SVEP1: variants seen among roughly 807,000 people sequenced by gnomAD.
SVEP1 encodes sushi, von Willebrand factor type A, EGF and pentraxin domain-containing protein 1.
A neutral mutation model predicts 367.3 loss-of-function variants in SVEP1; 164 were observed. The ratio of observed to expected loss-of-function variants is 0.45; its 90% CI spans 0.39 to 0.51. The LOEUF (loss-of-function observed/expected upper bound fraction) is 0.51, where lower values mean the gene tolerates loss of function less well. SVEP1 is among the 20% of genes least tolerant of loss of function. The pLI is 0.00. For synonymous variants in SVEP1, 1,666 were observed against 1,611.6 expected (o/e 1.03, Z -0.81); for missense variants, 4,117 against 4,425.3 (o/e 0.93, Z 1.98).
chr9:110,556,828 G>A (rs557272463), intron 1 of SVEP1, among the ~76,000 whole-genome samples: 20 of 152,208 alleles, frequency 1.3e-4, no homozygotes, highest in Admixed American at 1.2e-3. Flanking sequence ...ATCTTGATGA[G>A]CCAATAGAAG....
chr9:110,434,193 C>G (rs1294622494), intron 30 of SVEP1, 143 bp downstream of exon 30: 1 of 994,504 alleles, frequency 1.0e-6, no homozygotes, highest in African/African-American at 1.6e-5. Context: ...CAGCACAGTT[C>G]ATTAAACAAA....
chr9:110,469,913 GAAC>G (rs764227219), intron 16 of SVEP1, among the ~76,000 whole-genome samples: 7 of 152,126 alleles, frequency 4.6e-5, no homozygotes, highest in Non-Finnish European at 1.0e-4. Context: ...TGCAGGCTTA[GAAC>G]AACAATTTTA....
chr9:110,414,701 T>C (rs1489579654), intron 36 of SVEP1, among the ~76,000 whole-genome samples: 1 of 151,984 alleles, frequency 6.6e-6, no homozygotes, highest in African/African-American at 2.4e-5. Flanking sequence ...CTAATGAGCA[T>C]GTGCCTGGAG....
chr9:110,504,112 T>C (rs1264715767), intron 5 of SVEP1, among the ~76,000 whole-genome samples: 3 of 152,134 alleles, frequency 2.0e-5, no homozygotes, highest in African/African-American at 7.2e-5. Flanking sequence ...TGAAGTGCAG[T>C]GGCGTGATCT....
At chr9:110,393,400 G>C (rs56285296) in intron 40 of SVEP1, among the ~76,000 whole-genome samples, 8,988 of 152,222 alleles carry the variant, frequency 0.059, 357 homozygotes, top group African/African-American at 0.11. Flanking sequence ...GTGGCGATGA[G>C]ATGGCCAAAT....
chr9:110,432,471 A>G lies in SVEP1; in HGVS notation c.5224T>C (p.Ser1742Pro). ...CCAACATTTATCTCACCAAGGCAGG[A>G]TGGTGAAACGCCGTTCCAGCTCCCA... Reference protein sequence around the residue: ...DNGSWNGVSPSCLDVDECAVG... With the variant: ...DNGSWNGVSPPCLDVDECAVG... Residue 1742 changes from serine to proline, a missense_variant, in exon 31 of 48, where the codon TCC (serine) becomes CCC (proline). This residue lies in a region of SVEP1 where 2,174 missense variants were observed against 2,494.3 expected (regional missense o/e 0.87). Coordinates refer to ENST00000374469, the MANE Select transcript of SVEP1 (RefSeq NM_153366.4). The G allele has an allele frequency of 1.2e-6, 2 of 1,612,548 alleles. No individual in the cohort carries two copies. Among genetic ancestry groups the G allele is most frequent in the Non-Finnish European group, 1.7e-6 (2 of 1,179,382 alleles).
At chr9:110,383,315 GC>G (rs760920994) in intron 43 of SVEP1, among the ~76,000 whole-genome samples, 1 of 152,076 alleles carries the variant, frequency 6.6e-6, no homozygotes, top group Non-Finnish European at 1.5e-5. Flanking sequence ...TAACAGTCAG[GC>G]CCCTCTTTTG....
At position 110,408,334 on chromosome 9, in the gene SVEP1, G is replaced by C. The variant is rs1299104793; in HGVS notation, c.7266C>G (p.Cys2422Trp). 1 of 1,613,898 alleles carries C rather than the reference G, an allele frequency of 6.2e-7. No individual in the cohort carries two copies. Among genetic ancestry groups the C allele is most frequent in the Admixed American group, 1.7e-5 (1 of 60,022 alleles). ...FFLRGNSTTL[C>W]QPDGTWSSPL... Reference sequence around the variant, plus strand: ...GAGAGCTCCAGGTGCCATCAGGTTGGCAGAGGGTGGTAGAATTTCCTCTTA... The same window carrying C: ...GAGAGCTCCAGGTGCCATCAGGTTGCCAGAGGGTGGTAGAATTTCCTCTTA... Residue 2422 changes from cysteine to tryptophan, a missense_variant, in exon 38 of 48, where the codon TGC becomes TGG. This residue lies in a region of SVEP1 where 1,765 missense variants were observed against 1,781.1 expected (regional missense o/e 0.99). Coordinates refer to ENST00000374469, the MANE Select transcript of SVEP1 (RefSeq NM_153366.4).
At chr9:110,467,604 A>G (rs1252014555) in intron 17 of SVEP1, among the ~76,000 whole-genome samples, 1 of 151,554 alleles carries the variant, frequency 6.6e-6, no homozygotes, top group Non-Finnish European at 1.5e-5. Context: ...CTCGTTGGAT[A>G]AAAGTATGTG....
At chr9:110,377,635 G>A (rs905250195) in intron 44 of SVEP1, among the ~76,000 whole-genome samples, 3 of 152,178 alleles carry the variant, frequency 2.0e-5, no homozygotes, top group Non-Finnish European at 4.4e-5. Flanking sequence ...TTTGATTTAT[G>A]TATAGATTGT....
chr9:110,389,694 A>C, intron 40 of SVEP1, 107 bp from the exon 41 acceptor site: 2 of 1,167,114 alleles, frequency 1.7e-6, no homozygotes, highest in Non-Finnish European at 1.2e-6. Context: ...TCAGCACTGG[A>C]ATGCTAAATA....
rs148655518 is a variant in SVEP1, at chr9:110,508,571, C to T, written c.1303+4355G>A. Among the ~76,000 whole-genome samples, 167 of 151,750 alleles carry T rather than the reference C, an allele frequency of 1.1e-3. 1 individual carries two copies. The East Asian group carries it at 0.027, about 24-fold the overall frequency. Reference sequence around the variant, plus strand: ...GGTCAGGAGATTGAGACCATCCTGGCGAACATGGTGAAACCCCGTCTCTAC... The same window carrying T: ...GGTCAGGAGATTGAGACCATCCTGGTGAACATGGTGAAACCCCGTCTCTAC... On this transcript the variant is annotated intron_variant, in intron 5 of 47. Transcript: ENST00000374469.
At chr9:110,393,533 T>C (rs10759428) in intron 40 of SVEP1, among the ~76,000 whole-genome samples, 99,828 of 152,064 alleles carry the variant, frequency 0.66, 32,837 homozygotes, top group Middle Eastern at 0.78. Context: ...TGCAGTGCAC[T>C]GTGCACAAGC....
At chr9:110,429,825 G>A in intron 34 of SVEP1, 95 bp downstream of exon 34, 2 of 976,122 alleles carry the variant, frequency 2.0e-6, no homozygotes, top group Non-Finnish European at 3.2e-6. Flanking sequence ...AATGTCCTCT[G>A]CAATTATTTT....
intron 8 of SVEP1, 36 bp downstream of exon 8, chr9:110,496,779 A>T: frequency 6.9e-7 from 1 of 1,448,612 alleles, no homozygotes; most frequent in East Asian, 2.5e-5. Context: ...TTTAGAATTC[A>T]TTTGAAAAGG....
At chr9:110,403,494 G>T (rs1049887626) in intron 39 of SVEP1, among the ~76,000 whole-genome samples, 1 of 151,416 alleles carries the variant, frequency 6.6e-6, no homozygotes, top group Non-Finnish European at 1.5e-5. Flanking sequence ...TAGTAGAGAC[G>T]GGGTTTCACT....
At chr9:110,490,989 A>G (rs1829357964) in intron 8 of SVEP1, among the ~76,000 whole-genome samples, 2 of 152,044 alleles carry the variant, frequency 1.3e-5, no homozygotes, top group African/African-American at 4.8e-5. Context: ...TTTGATAAGC[A>G]TCCAAAAATA....
chr9:110,429,430 C>A, intron 34 of SVEP1, 96 bp from the exon 35 acceptor site: 2 of 926,800 alleles, frequency 2.2e-6, no homozygotes, highest in Admixed American at 3.6e-5. Flanking sequence ...AGAATTTATA[C>A]ATATTGGAAA....
At chr9:110,398,691 C>G (rs1435639448) in intron 40 of SVEP1, among the ~76,000 whole-genome samples, 2 of 152,136 alleles carry the variant, frequency 1.3e-5, no homozygotes, top group African/African-American at 4.8e-5. Flanking sequence ...AGGATATGAA[C>G]AGACAGTTCT....
Sources: allele counts gnomAD v4.1 joint callset (sites outside exome capture counted in the v4.1 genomes callset), GRCh38; gene constraint gnomAD v4.1.1; regional missense constraint gnomAD v4.1.1; transcripts MANE v1.5; gene names NCBI Gene and HGNC (gene_info 2026-07-23, HGNC 2026-07-21).